The following FIGN variants were observed in gnomAD, a reference collection of about 807,000 sequenced individuals.
FIGN encodes the protein fidgetin.
FIGN carries 11 observed loss-of-function variants against 51.3 expected under a neutral mutation model. That is an observed-to-expected ratio of 0.21 (90% CI 0.13 to 0.35). FIGN has a LOEUF of 0.35. FIGN is among the 10% of genes least tolerant of loss of function. The pLI is 1.00. For missense variants in FIGN, 857 were observed against 943.6 expected, an observed-to-expected ratio of 0.91 and a Z score of 1.20; for synonymous variants, 407 against 363.2, an observed-to-expected ratio of 1.12 and a Z score of -1.37.
intron 2 of FIGN, among the ~76,000 whole-genome samples, chr2:163,647,159 T>G (rs1683395302): frequency 6.6e-6 from 1 of 152,214 alleles, no homozygotes; most frequent in Non-Finnish European, 1.5e-5. Flanking sequence ...AGAGATTAGT[T>G]AGAGAAGGCC....
intron 2 of FIGN, among the ~76,000 whole-genome samples, chr2:163,699,510 T>TGTACTGGAG (rs3058762): frequency 0.9 from 136,837 of 151,786 alleles, 62,227 homozygotes; most frequent in Middle Eastern, 0.98. Context: ...GCATTCCAAG[T>TGTACTGGAG]TCTACATGTT....
chr2:163,612,550 G>T (rs1254014789), intron 2 of FIGN: 2 of 984,740 alleles, frequency 2.0e-6, no homozygotes, highest in African/African-American at 3.5e-5. Flanking sequence ...ATTACAACTG[G>T]CTCCTTTCTG....
intron 2 of FIGN, among the ~76,000 whole-genome samples, chr2:163,713,753 C>T (rs1220123103): frequency 6.6e-6 from 1 of 152,138 alleles, no homozygotes; most frequent in African/African-American, 2.4e-5. Flanking sequence ...GATACTTTTT[C>T]AGCAGGGTGA....
At chr2:163,674,680 C>T (rs1374269236) in intron 2 of FIGN, among the ~76,000 whole-genome samples, 1 of 152,102 alleles carries the variant, frequency 6.6e-6, no homozygotes, top group Non-Finnish European at 1.5e-5. Flanking sequence ...ATAAGCAAAT[C>T]TTGAAGTAGG....
intron 2 of FIGN, among the ~76,000 whole-genome samples, chr2:163,704,263 G>A (rs899946965): frequency 6.6e-5 from 10 of 151,956 alleles, no homozygotes; most frequent in African/African-American, 2.4e-4. Flanking sequence ...TTCTTTATAA[G>A]CATTAACTAA....
At chr2:163,710,870 G>T (rs1346595914) in intron 2 of FIGN, among the ~76,000 whole-genome samples, 2 of 152,200 alleles carry the variant, frequency 1.3e-5, no homozygotes, top group South Asian at 4.2e-4. Context: ...TAGCTAAAGA[G>T]ACACAATTAC....
At chr2:163,716,368 G>A (rs1684668368) in intron 2 of FIGN, among the ~76,000 whole-genome samples, 1 of 151,956 alleles carries the variant, frequency 6.6e-6, no homozygotes, top group Non-Finnish European at 1.5e-5. Context: ...TTAAAAACTG[G>A]TCGTTAAAAA....
intron 2 of FIGN, among the ~76,000 whole-genome samples, chr2:163,629,041 C>A (rs1683100704): frequency 6.6e-6 from 1 of 152,222 alleles, no homozygotes; most frequent in Non-Finnish European, 1.5e-5. Context: ...AAGAGAAGTC[C>A]AAGCTTTACA....
At chr2:163,691,761 A>G (rs1371779335) in intron 2 of FIGN, among the ~76,000 whole-genome samples, 2 of 151,640 alleles carry the variant, frequency 1.3e-5, no homozygotes, top group Non-Finnish European at 2.9e-5. Context: ...AACCCTTCTG[A>G]GCATTAAAAA....
At chr2:163,656,033 T>G (rs76560972) in intron 2 of FIGN, among the ~76,000 whole-genome samples, 1 of 152,208 alleles carries the variant, frequency 6.6e-6, no homozygotes, top group East Asian at 1.9e-4. Flanking sequence ...ATTAAACGAC[T>G]GAGATTAGGA....
At chr2:163,713,399 A>G (rs1684618599) in intron 2 of FIGN, among the ~76,000 whole-genome samples, 1 of 152,038 alleles carries the variant, frequency 6.6e-6, no homozygotes, top group Admixed American at 6.6e-5. Context: ...ACAGCAGTAT[A>G]AAGGATTTTA....
chr2:163,648,122 CA>C (rs1236821911), intron 2 of FIGN, among the ~76,000 whole-genome samples: 4 of 152,012 alleles, frequency 2.6e-5, no homozygotes, highest in Non-Finnish European at 5.9e-5. Flanking sequence ...AGTTGCCCCC[CA>C]AAAAGCCAGT....
intron 2 of FIGN, among the ~76,000 whole-genome samples, chr2:163,718,815 TTATA>T (rs1040983357): frequency 5.4e-5 from 8 of 148,016 alleles, no homozygotes; most frequent in African/African-American, 1.8e-4. Context: ...AATAAACAGA[TTATA>T]TATATATAAG....
chr2:163,624,660 C>A (rs1683026493), intron 2 of FIGN, among the ~76,000 whole-genome samples: 1 of 148,280 alleles, frequency 6.7e-6, no homozygotes, highest in Admixed American at 6.8e-5. Flanking sequence ...AGCTGGATTC[C>A]AAAGCATCAA....
intron 2 of FIGN, among the ~76,000 whole-genome samples, chr2:163,655,804 C>CAGAGAG (rs3058760): frequency 0.019 from 2,842 of 145,800 alleles, 104 homozygotes; most frequent in African/African-American, 0.068. Context: ...CACACACACA[C>CAGAGAG]AGAGAGAGAG....
intron 2 of FIGN, among the ~76,000 whole-genome samples, chr2:163,624,216 A>G (rs894129536): frequency 5.3e-5 from 8 of 151,954 alleles, no homozygotes; most frequent in African/African-American, 1.9e-4. Flanking sequence ...TTCCCACCCA[A>G]TATATGTATT....
intron 2 of FIGN, among the ~76,000 whole-genome samples, chr2:163,697,194 G>A (rs12692705): frequency 0.56 from 82,399 of 147,392 alleles, 25,774 homozygotes; most frequent in Admixed American, 0.69. Flanking sequence ...TCTGCCTCCC[G>A]GGTTCAAGCG....
At chr2:163,728,852 C>A (rs1195732829) in intron 2 of FIGN, among the ~76,000 whole-genome samples, 1 of 152,086 alleles carries the variant, frequency 6.6e-6, no homozygotes, top group Non-Finnish European at 1.5e-5. Context: ...GAACAAGATG[C>A]CTCACATTTT....
chr2:163,623,931 C>A (rs765043473), intron 2 of FIGN, among the ~76,000 whole-genome samples: 1 of 152,040 alleles, frequency 6.6e-6, no homozygotes, highest in Non-Finnish European at 1.5e-5. Context: ...GATTGCATCC[C>A]TGGCCATAGC....
Sources: gnomAD v4.1 joint callset for allele counts (sites outside exome capture counted in the v4.1 genomes callset) on GRCh38, gnomAD v4.1.1 for gene constraint, MANE v1.5 for transcripts, NCBI Gene and HGNC (gene_info 2026-07-23, HGNC 2026-07-21) for gene names.